Variants in SLC44A5 observed in about 807,000 individuals in gnomAD.
SLC44A5 encodes the protein solute carrier family 44 member 5, also known as choline transporter-like protein 5.
Under a neutral mutation model 101.8 loss-of-function variants are expected in SLC44A5, and 57 were observed. The ratio of observed to expected loss-of-function variants is 0.56; its 90% confidence interval spans 0.45 to 0.70. The LOEUF (loss-of-function observed/expected upper bound fraction) is 0.70. Among genes scored for constraint, SLC44A5 ranks in the 30% least tolerant of loss-of-function variants. SLC44A5 has a pLI of 0.00. For missense variants in SLC44A5, 737 were observed against 853.1 expected (o/e 0.86, Z 1.70); for synonymous variants, 281 against 290.9 (o/e 0.97, Z 0.35).
intron 1 of SLC44A5, among the ~76,000 whole-genome samples, chr1:75,546,823 AT>A (rs1337696747): frequency 6.6e-6 from 1 of 152,158 alleles, no homozygotes; most frequent in Non-Finnish European, 1.5e-5. Flanking sequence ...AGTGTGTATT[AT>A]GAAAAAAAGA....
At chr1:75,601,630 A>C (rs569144142) in intron 1 of SLC44A5, among the ~76,000 whole-genome samples, 28 of 152,294 alleles carry the variant, frequency 1.8e-4, no homozygotes, top group African/African-American at 6.7e-4. Context: ...CAGCAAAAGC[A>C]CTTCTGCAGG....
intron 4 of SLC44A5, among the ~76,000 whole-genome samples, chr1:75,326,641 A>C (rs1267321416): frequency 6.6e-6 from 1 of 152,182 alleles, no homozygotes; most frequent in South Asian, 2.1e-4. Flanking sequence ...TTCAGCACTT[A>C]TATTATGTAC....
At chr1:75,666,509 T>A in the SLC44A5 span, among the ~76,000 whole-genome samples, 1 of 151,964 alleles carries the variant, frequency 6.6e-6, no homozygotes, top group African/African-American at 2.4e-5. Flanking sequence ...CTACCAGAGG[T>A]ACAAAGAGGA....
At chr1:75,459,967 C>T (rs1666408719) in intron 2 of SLC44A5, among the ~76,000 whole-genome samples, 1 of 152,040 alleles carries the variant, frequency 6.6e-6, no homozygotes, top group African/African-American at 2.4e-5. Flanking sequence ...GCCCTGAAAA[C>T]CAGGAAGAAG....
intron 1 of SLC44A5, among the ~76,000 whole-genome samples, chr1:75,598,108 TA>T (rs1375368726): frequency 2.0e-5 from 3 of 151,428 alleles, no homozygotes; most frequent in African/African-American, 7.3e-5. Flanking sequence ...AAAAAACCCA[TA>T]AAAAAGTAGG....
the SLC44A5 span, among the ~76,000 whole-genome samples, chr1:75,685,418 C>A: frequency 6.6e-6 from 1 of 152,164 alleles, no homozygotes; most frequent in Non-Finnish European, 1.5e-5. Flanking sequence ...TGCAAATTTT[C>A]TGAACTTTTC....
chr1:75,684,706 G>A, the SLC44A5 span, among the ~76,000 whole-genome samples: 2 of 152,150 alleles, frequency 1.3e-5, no homozygotes, highest in Admixed American at 6.5e-5. Context: ...GGGCAGCTCC[G>A]CCCCTGTGGC....
the SLC44A5 span, among the ~76,000 whole-genome samples, chr1:75,699,781 C>T: frequency 2.6e-5 from 4 of 152,056 alleles, no homozygotes; most frequent in African/African-American, 7.2e-5. Flanking sequence ...CAGAGACACA[C>T]ATAGGCTCAA....
chr1:75,659,442 AG>A, the SLC44A5 span, among the ~76,000 whole-genome samples: 3 of 17,744 alleles, frequency 1.7e-4, no homozygotes, highest in Admixed American at 4.8e-4. Context: ...GGAGGGAGGG[AG>A]GGAAGGAAGG....
chr1:75,311,407 G>A (rs544860270), intron 4 of SLC44A5, among the ~76,000 whole-genome samples: 33 of 152,244 alleles, frequency 2.2e-4, no homozygotes, highest in Admixed American at 1.4e-3. Flanking sequence ...GTGAGCCACC[G>A]CATCCAGCCC....
At chr1:75,297,409 C>T (rs777884067) in intron 5 of SLC44A5, among the ~76,000 whole-genome samples, 2 of 152,120 alleles carry the variant, frequency 1.3e-5, no homozygotes, top group Admixed American at 1.3e-4. Context: ...CTCAGCCTCC[C>T]GAGTAGCTGA....
At chr1:75,612,823 T>A (rs1035719392), upstream of SLC44A5, among the ~76,000 whole-genome samples, 1 of 149,610 alleles carries the variant, frequency 6.7e-6, no homozygotes, top group Non-Finnish European at 1.5e-5. Context: ...AAGGCAGGGG[T>A]GGGGGTGGTG....
At chr1:75,701,442 G>GA in the SLC44A5 span, among the ~76,000 whole-genome samples, 33 of 152,212 alleles carry the variant, frequency 2.2e-4, no homozygotes, top group Middle Eastern at 3.4e-3. Context: ...AAAGGCCTTT[G>GA]ACAAAATTCA....
intron 12 of SLC44A5, among the ~76,000 whole-genome samples, chr1:75,233,396 C>T (rs902595301): frequency 1.3e-5 from 2 of 152,062 alleles, no homozygotes; most frequent in Non-Finnish European, 2.9e-5. Flanking sequence ...CCACACTCTA[C>T]GTCCACGTGT....
intron 1 of SLC44A5, among the ~76,000 whole-genome samples, chr1:75,545,004 C>CAA (rs1671567425): frequency 6.6e-6 from 1 of 152,074 alleles, no homozygotes. Context: ...CTATCCGTCC[C>CAA]CTAGCCCCCC....
chr1:75,211,540 C>T lies in SLC44A5; in HGVS notation c.1975G>A (p.Gly659Arg). The part of the protein sequence containing the change: ...YWVPLLTVIF[G>R]SYLIAHGFFS... ...AACCCATGTGCAATCAGGTAAGACC[C>T]AAAAATGACTGTCTGTAAATGGATG... is the stretch of plus-strand genomic sequence containing the variant. Residue 659 changes from glycine (G) to arginine (R), a missense_variant, in exon 23 of 24, where the codon GGG becomes AGG. Physicochemically the swap from Gly to Arg is moderately radical, Grantham distance 125. Transcript: ENST00000370859. 1 of 1,611,226 alleles carries T rather than the reference C, an allele frequency of 6.2e-7. No individual in the cohort carries two copies. Among genetic ancestry groups the T allele is most frequent in the Non-Finnish European group, 8.5e-7 (1 of 1,178,102 alleles).
intron 1 of SLC44A5, among the ~76,000 whole-genome samples, chr1:75,595,681 T>A (rs1674592697): frequency 1.3e-5 from 2 of 152,108 alleles, no homozygotes. Context: ...GCATAATTTT[T>A]AAAAAAACTG....
At chr1:75,227,235 C>G (rs1254902302) in intron 13 of SLC44A5, among the ~76,000 whole-genome samples, 1 of 151,940 alleles carries the variant, frequency 6.6e-6, no homozygotes, top group Admixed American at 6.6e-5. Context: ...CATGGTGGCA[C>G]ACATCTGTGG....
intron 2 of SLC44A5, among the ~76,000 whole-genome samples, chr1:75,511,853 C>A (rs1669586790): frequency 6.6e-6 from 1 of 152,136 alleles, no homozygotes; most frequent in African/African-American, 2.4e-5. Context: ...TAGGGTCAAG[C>A]CAGACTATTC....
Sources: gnomAD v4.1 joint callset for allele counts (sites outside exome capture counted in the v4.1 genomes callset) on GRCh38, gnomAD v4.1.1 for gene constraint, MANE v1.5 for transcripts, NCBI Gene and HGNC (gene_info 2026-07-23, HGNC 2026-07-21) for gene names.